The following GLG1 variants were observed in gnomAD, a reference collection of about 807,000 sequenced individuals.
The protein encoded by GLG1 is golgi glycoprotein 1, also known as Golgi apparatus protein 1.
In GLG1, 38 loss-of-function variants were observed where a neutral mutation model predicts 160.5. That is an observed-to-expected ratio of 0.24 (90% CI 0.18 to 0.31). The LOEUF (loss-of-function observed/expected upper bound fraction) is 0.31, where lower values mean the gene tolerates loss of function less well. Ranked by LOEUF, GLG1 falls within the 10% of genes least tolerant of loss-of-function variation. The probability of loss-of-function intolerance (pLI) is 1.00; values close to 1 mark genes in which losing one functional copy is unlikely to be tolerated. For missense variants in GLG1, 1,373 were observed against 1,505.2 expected (o/e 0.91, Z 1.45); for synonymous variants, 644 against 543.4 (o/e 1.19, Z -2.57).
Position 74,457,911 on chromosome 16 carries a change from T to A in GLG1, c.3228A>T (p.Lys1076Asn). 1 of 1,613,928 alleles carries A rather than the reference T, an allele frequency of 6.2e-7. No homozygotes were observed. Among genetic ancestry groups the A allele is most frequent in the South Asian group, 1.1e-5 (1 of 91,062 alleles). The change falls in exon 24 of 26, where the codon AAA becomes AAT. Residue 1076 changes from lysine (K) to asparagine (N), a missense_variant. Transcript: ENST00000422840. ...VLHTACALDI[K>N]HHCAAITPGR... Reference sequence around the variant, plus strand: ...CAGGGGTGATGGCTGCGCAGTGGTGTTTAATGTCCAGGGCACAAGCAGTAT... The same window carrying A: ...CAGGGGTGATGGCTGCGCAGTGGTGATTAATGTCCAGGGCACAAGCAGTAT...
At chr16:74,519,610 C>T (rs1163209479) in intron 2 of GLG1, among the ~76,000 whole-genome samples, 1 of 149,682 alleles carries the variant, frequency 6.7e-6, no homozygotes, top group Admixed American at 6.6e-5. Flanking sequence ...TAATCTACTT[C>T]CTCTTTTATT....
chr16:74,594,610 T>C (rs2143878470), intron 1 of GLG1, among the ~76,000 whole-genome samples: 1 of 152,302 alleles, frequency 6.6e-6, no homozygotes, highest in South Asian at 2.1e-4. Context: ...CAAAATAAGA[T>C]GAGTCACTAA....
intron 1 of GLG1, among the ~76,000 whole-genome samples, chr16:74,567,906 G>T (rs1306219138): frequency 6.6e-6 from 1 of 152,092 alleles, no homozygotes; most frequent in South Asian, 2.1e-4. Context: ...CTAGCCTCCT[G>T]GCTTTCTTTT....
In GLG1 at chr16:74,474,603, A is replaced by C; in HGVS notation, c.1995T>G (p.Asp665Glu). The change falls in exon 13 of 26, where the codon GAT (aspartate) becomes GAG (glutamate). Residue 665 changes from aspartate (D) to glutamate (E), a missense_variant. Around this residue, in one of 4 missense-constraint regions of GLG1, gnomAD observed 386 missense variants for 388.5 expected, o/e 0.99. Transcript: ENST00000422840. ...TATCTCTACACTCCACCACCAAGTC[A>C]TCCAGATGGTCCTGAAGGCACTCCA... ...QELECLQDHL[D>E]DLVVECRDIV... 1 of 1,582,398 alleles carries C rather than the reference A, an allele frequency of 6.3e-7. No homozygotes were observed. The highest frequency in any genetic ancestry group is 8.7e-7 in the Non-Finnish European group (1 of 1,151,072).
chr16:74,482,220 G>A (rs901798959), intron 10 of GLG1, among the ~76,000 whole-genome samples: 2 of 152,144 alleles, frequency 1.3e-5, no homozygotes, highest in Admixed American at 1.3e-4. Flanking sequence ...TTAAACTCCT[G>A]GCCTCAAGCT....
At chr16:74,486,931 C>T (rs920931549) in intron 8 of GLG1, among the ~76,000 whole-genome samples, 3 of 151,056 alleles carry the variant, frequency 2.0e-5, no homozygotes, top group Non-Finnish European at 4.4e-5. Flanking sequence ...TTTTCCCCCC[C>T]GAGACAGAGT....
At chr16:74,459,843 G>A (rs2014714494) in intron 22 of GLG1, 54 bp from the exon 23 acceptor site, 2 of 867,964 alleles carry the variant, frequency 2.3e-6, no homozygotes, top group Non-Finnish European at 3.7e-6. Context: ...GAAATGAACT[G>A]ACAGTTTCTT....
intron 8 of GLG1, among the ~76,000 whole-genome samples, chr16:74,488,116 G>A (rs1397701720): frequency 6.6e-6 from 1 of 152,106 alleles, no homozygotes; most frequent in Admixed American, 6.6e-5. Context: ...TGATAATTAT[G>A]CTTACGCTTT....
At chr16:74,533,535 C>T (rs2017604619) in intron 1 of GLG1, among the ~76,000 whole-genome samples, 1 of 152,182 alleles carries the variant, frequency 6.6e-6, no homozygotes, top group African/African-American at 2.4e-5. Flanking sequence ...AATCCCAGCA[C>T]TTTGGGAGGC....
intron 2 of GLG1, among the ~76,000 whole-genome samples, chr16:74,518,372 A>G (rs1471462746): frequency 6.6e-6 from 1 of 152,196 alleles, no homozygotes. Flanking sequence ...ATGGAACAGA[A>G]TGGAGTCCTC....
chr16:74,491,244 C>T (rs200215355), intron 7 of GLG1, 29 bp from the exon 8 acceptor site: 4 of 1,489,306 alleles, frequency 2.7e-6, no homozygotes, highest in Non-Finnish European at 3.8e-6. Context: ...CATAACATTA[C>T]GAAGGGTGAT....
chr16:74,463,732 T>TTTTTTG (rs1555507089), intron 19 of GLG1, among the ~76,000 whole-genome samples: 10 of 151,132 alleles, frequency 6.6e-5, no homozygotes, highest in African/African-American at 2.4e-4. Flanking sequence ...TTGTGTTTTT[T>TTTTTTG]TTGTTGTTGT....
intron 22 of GLG1, 30 bp from the exon 23 acceptor site, chr16:74,459,819 C>T (rs1438910784): frequency 4.6e-6 from 5 of 1,085,976 alleles, no homozygotes; most frequent in Admixed American, 2.2e-5. Context: ...AACAAAGCTA[C>T]CCCACTGAGC....
At chr16:74,523,368 ACT>A (rs1406222711) in intron 2 of GLG1, among the ~76,000 whole-genome samples, 1 of 151,594 alleles carries the variant, frequency 6.6e-6, no homozygotes. Context: ...CTTTACGGTA[ACT>A]CTTCCACCAG....
At chr16:74,460,916 T>A in intron 22 of GLG1, among the ~76,000 whole-genome samples, 1 of 152,228 alleles carries the variant, frequency 6.6e-6, no homozygotes, top group South Asian at 2.1e-4. Flanking sequence ...GACTCTCAAC[T>A]TGAAAGTGTG....
chr16:74,457,821 T>C (rs1257776624), intron 24 of GLG1, 53 bp downstream of exon 24: 7 of 1,570,210 alleles, frequency 4.5e-6, no homozygotes, highest in South Asian at 3.4e-5. Flanking sequence ...GAGGGAGTCT[T>C]TGCTCTTCCC....
At chr16:74,555,400 T>TGG (rs2018324348) in intron 1 of GLG1, among the ~76,000 whole-genome samples, 1 of 152,156 alleles carries the variant, frequency 6.6e-6, no homozygotes, top group Non-Finnish European at 1.5e-5. Flanking sequence ...TAAAATGGGA[T>TGG]TCCAGGCTGG....
chr16:74,450,922 G>A lies in GLG1; in HGVS notation c.*2245C>T, dbSNP rs190638132. The A allele has an allele frequency of 4.6e-5, 7 of 151,920 alleles. No homozygotes were observed. Among genetic ancestry groups the A allele is most frequent in the African/African-American group, 1.2e-4 (5 of 41,464 alleles). 9.4% of individuals were successfully genotyped at this position (151,920 alleles called of 1,614,324 possible). A position where few individuals can be genotyped will look rare whatever the true frequency, so the allele number is the denominator to read the frequency against. On this transcript the variant is annotated 3_prime_UTR_variant, in exon 26 of 26. Coordinates refer to ENST00000422840, the MANE Select transcript of GLG1 (RefSeq NM_001145667.2). ...CTTCCAAATCTGCAGACAACGAATG[G>A]GATTTTCTCTCAATTCAGAAAGAAC... is the stretch of plus-strand genomic sequence containing the variant.
At chr16:74,468,907 C>T in intron 17 of GLG1, 39 bp downstream of exon 17, 1 of 1,246,840 alleles carries the variant, frequency 8.0e-7, no homozygotes, top group Non-Finnish European at 1.2e-6. Flanking sequence ...AAGCCCTGGC[C>T]CACTGTGGTT....
Sources: gnomAD v4.1 joint callset for allele counts (sites outside exome capture counted in the v4.1 genomes callset) on GRCh38, gnomAD v4.1.1 for gene constraint, gnomAD v4.1.1 regional missense constraint, MANE v1.5 for transcripts, NCBI Gene and HGNC (gene_info 2026-07-23, HGNC 2026-07-21) for gene names.